The following ATG10 variants were observed in gnomAD, a reference collection of about 807,000 sequenced individuals.
ATG10 encodes ubiquitin-like-conjugating enzyme ATG10.
In ATG10, 30 loss-of-function variants were observed where a neutral mutation model predicts 32.1. The ratio of observed to expected loss-of-function variants is 0.94; its 90% confidence interval spans 0.70 to 1.27. The LOEUF (loss-of-function observed/expected upper bound fraction) is 1.27. Ranked by LOEUF, ATG10 falls within the 50% of genes most tolerant of loss-of-function variation. ATG10 has a pLI of 0.00. For missense variants in ATG10, 233 were observed against 262.3 expected, an observed-to-expected ratio of 0.89 and a Z score of 0.77; for synonymous variants, 87 against 91.5, an observed-to-expected ratio of 0.95 and a Z score of 0.28.
intron 3 of ATG10, among the ~76,000 whole-genome samples, chr5:82,140,159 C>G (rs1480115964): frequency 2.5e-4 from 27 of 108,556 alleles, no homozygotes; most frequent in African/African-American, 9.2e-4. Context: ...AGGAGCCCCT[C>G]TGCCCGGCCA....
chr5:82,118,387 CATATAT>C lies in ATG10; in HGVS notation c.217-45999_217-45994del, dbSNP rs71605823. Among the ~76,000 whole-genome samples, 40 of 80,724 alleles carry C rather than the reference CATATAT, an allele frequency of 5.0e-4. 2 individuals are homozygous for C. The highest frequency in any genetic ancestry group is 6.7e-3 in the Middle Eastern group (1 of 150). 53.0% of individuals were successfully genotyped at this position (80,724 alleles called of 152,430 possible). A position where few individuals can be genotyped will look rare whatever the true frequency, so the allele number is the denominator to read the frequency against. On this transcript the variant is annotated intron_variant, in intron 3 of 7. Transcript: ENST00000282185. ...TACAAATATACATATAATATATGTA[CATATAT>C]ATATATATATATGTATGTATATATT...
At chr5:81,982,381 G>A (rs1761073301) in intron 1 of ATG10, among the ~76,000 whole-genome samples, 1 of 152,122 alleles carries the variant, frequency 6.6e-6, no homozygotes, top group South Asian at 2.1e-4. Context: ...CAGGAGAATC[G>A]CTTGAACTCG....
At chr5:81,983,558 G>A (rs1761140221) in intron 1 of ATG10, among the ~76,000 whole-genome samples, 1 of 147,430 alleles carries the variant, frequency 6.8e-6, no homozygotes, top group Non-Finnish European at 1.5e-5. Context: ...GCCGGGCAGA[G>A]GGGCTCCTCA....
intron 5 of ATG10, among the ~76,000 whole-genome samples, chr5:82,227,230 AG>A (rs1223505033): frequency 6.6e-6 from 1 of 152,136 alleles, no homozygotes; most frequent in African/African-American, 2.4e-5. Context: ...AGTGTACAAA[AG>A]AAAGACATCT....
intron 1 of ATG10, among the ~76,000 whole-genome samples, chr5:81,979,581 T>C (rs1312408430): frequency 6.6e-6 from 1 of 152,124 alleles, no homozygotes; most frequent in African/African-American, 2.4e-5. Context: ...AGATACGAAG[T>C]GTAAATCAAA....
chr5:82,188,463 T>C (rs1419152386), intron 5 of ATG10, among the ~76,000 whole-genome samples: 2 of 152,254 alleles, frequency 1.3e-5, no homozygotes, highest in Non-Finnish European at 2.9e-5. Context: ...ATTTAAAATA[T>C]TGAATAATTA....
chr5:82,187,123 C>T (rs1477396297), intron 5 of ATG10, among the ~76,000 whole-genome samples: 1 of 151,196 alleles, frequency 6.6e-6, no homozygotes, highest in African/African-American at 2.4e-5. Flanking sequence ...GCCTAGGTAA[C>T]ATAACAAGAC....
At chr5:82,058,372 G>T in intron 2 of ATG10, 123 bp from the exon 3 acceptor site, 1 of 681,056 alleles carries the variant, frequency 1.5e-6, no homozygotes. Flanking sequence ...TATCCATATA[G>T]TCTCATTTAG....
intron 5 of ATG10, among the ~76,000 whole-genome samples, chr5:82,235,442 A>G (rs951439461): frequency 6.6e-5 from 10 of 152,152 alleles, no homozygotes; most frequent in African/African-American, 2.4e-4. Context: ...CTTTATCTTT[A>G]ATCTGACATC....
intron 2 of ATG10, among the ~76,000 whole-genome samples, chr5:82,039,708 A>G (rs1341400583): frequency 6.6e-6 from 1 of 152,266 alleles, no homozygotes; most frequent in Admixed American, 6.5e-5. Context: ...CAAAGCAGAT[A>G]ATTCACAGAA....
intron 2 of ATG10, among the ~76,000 whole-genome samples, chr5:81,993,403 C>CTT (rs1490997721): frequency 9.9e-6 from 1 of 101,156 alleles, no homozygotes; most frequent in Non-Finnish European, 2.0e-5. Context: ...TTTTTCTTTT[C>CTT]TTTTCTTTTC....
At chr5:81,994,533 T>C (rs2149676892) in intron 2 of ATG10, among the ~76,000 whole-genome samples, 1 of 151,862 alleles carries the variant, frequency 6.6e-6, no homozygotes, top group Non-Finnish European at 1.5e-5. Flanking sequence ...AAGTGGAGGG[T>C]AGGGGAGCAG....
intron 2 of ATG10, among the ~76,000 whole-genome samples, chr5:81,998,095 C>T (rs1761722203): frequency 6.6e-6 from 1 of 152,050 alleles, no homozygotes; most frequent in African/African-American, 2.4e-5. Context: ...ATCAGATTCC[C>T]CAAGGTTGAA....
At chr5:82,035,487 T>C (rs1416491408) in intron 2 of ATG10, among the ~76,000 whole-genome samples, 1 of 152,116 alleles carries the variant, frequency 6.6e-6, no homozygotes, top group African/African-American at 2.4e-5. Flanking sequence ...TATACTCCTA[T>C]CAAAAATAAA....
chr5:82,232,533 A>C (rs1006896731), intron 5 of ATG10, among the ~76,000 whole-genome samples: 1 of 152,186 alleles, frequency 6.6e-6, no homozygotes, highest in African/African-American at 2.4e-5. Context: ...TAGTTGGGTA[A>C]TATATATTAA....
At chr5:81,993,394 T>TTTCTTTTCTTTTCTTTTCTTTTC (rs1561244334) in intron 2 of ATG10, among the ~76,000 whole-genome samples, 1 of 125,920 alleles carries the variant, frequency 7.9e-6, no homozygotes, top group East Asian at 2.2e-4. Flanking sequence ...TTTTCTTTTT[T>TTTCTTTTCTTTTCTTTTCTTTTC]TTTCTTTTCT....
rs114439620 is a variant in ATG10 at position 82,187,155 on chromosome 5, G to A, written c.453+8568G>A. 8.0e-3 allele frequency among the ~76,000 whole-genome samples: 1,215 copies of A among 151,354 alleles called. 8 individuals are homozygous for A. Among genetic ancestry groups the A allele is most frequent in the Middle Eastern group, 0.014 (4 of 292 alleles). On this transcript the variant is annotated intron_variant, in intron 5 of 7. Coordinates refer to ENST00000282185, the MANE Select transcript of ATG10 (RefSeq NM_031482.5). ...AGACCCCATCTCTTAAAAAAAAATG[G>A]TTATTTGGGTGTAACTGATTTTTAC...
At chr5:82,205,237 T>G (rs1247125653) in intron 5 of ATG10, among the ~76,000 whole-genome samples, 3 of 152,152 alleles carry the variant, frequency 2.0e-5, no homozygotes, top group Non-Finnish European at 4.4e-5. Context: ...CTGTGGTGAG[T>G]AAGCAGAATG....
chr5:82,088,266 A>T (rs1347530904), intron 3 of ATG10, among the ~76,000 whole-genome samples: 3 of 152,130 alleles, frequency 2.0e-5, no homozygotes, highest in Non-Finnish European at 4.4e-5. Context: ...ATATGGTATT[A>T]TATGACTATT....
Sources: gnomAD v4.1 joint callset for allele counts (sites outside exome capture counted in the v4.1 genomes callset) on GRCh38, gnomAD v4.1.1 for gene constraint, MANE v1.5 for transcripts, NCBI Gene and HGNC (gene_info 2026-07-23, HGNC 2026-07-21) for gene names.